Variants in ROBO1 observed in about 807,000 individuals in gnomAD.
ROBO1 encodes roundabout homolog 1.
A neutral mutation model predicts 195.9 loss-of-function variants in ROBO1; 149 were observed. That is an observed-to-expected ratio of 0.76 (90% confidence interval 0.67 to 0.87). The LOEUF is 0.87. ROBO1 is among the 40% of genes least tolerant of loss of function. The probability of loss-of-function intolerance (pLI) is 0.00; values close to 1 mark genes in which losing one functional copy is unlikely to be tolerated. For missense variants in ROBO1, 1,933 were observed against 2,068.3 expected, an observed-to-expected ratio of 0.93 and a Z score of 1.27; for synonymous variants, 816 against 733.2, an observed-to-expected ratio of 1.11 and a Z score of -1.82.
chr3:79,379,474 G>T (rs142550186), intron 2 of ROBO1, among the ~76,000 whole-genome samples: 1 of 152,262 alleles, frequency 6.6e-6, no homozygotes, highest in Non-Finnish European at 1.5e-5. Flanking sequence ...CTTCAGGTCA[G>T]AACCAGAATG....
At chr3:78,971,815 G>A (rs980532110) in intron 3 of ROBO1, among the ~76,000 whole-genome samples, 12 of 152,068 alleles carry the variant, frequency 7.9e-5, no homozygotes, top group Non-Finnish European at 1.8e-4. Flanking sequence ...ACCCAAGTTG[G>A]AGTGCACTGG....
At chr3:79,572,317 T>C (rs1204109994) in intron 2 of ROBO1, among the ~76,000 whole-genome samples, 1 of 152,052 alleles carries the variant, frequency 6.6e-6, no homozygotes, top group Non-Finnish European at 1.5e-5. Flanking sequence ...ACATAACACA[T>C]CCTTTTTCTG....
intron 4 of ROBO1, among the ~76,000 whole-genome samples, chr3:78,927,046 A>G (rs75791417): frequency 0.038 from 5,717 of 152,292 alleles, 178 homozygotes; most frequent in Middle Eastern, 0.13. Context: ...TCCATTATAA[A>G]AAGCAAAGTT....
At chr3:78,675,302 C>T (rs2107749074) in intron 10 of ROBO1, among the ~76,000 whole-genome samples, 1 of 152,182 alleles carries the variant, frequency 6.6e-6, no homozygotes, top group South Asian at 2.1e-4. Flanking sequence ...CTAGGGAGTG[C>T]CAGATAGAGG....
intron 4 of ROBO1, among the ~76,000 whole-genome samples, chr3:78,786,906 AG>A (rs2083852611): frequency 6.6e-6 from 1 of 152,204 alleles, no homozygotes; most frequent in Admixed American, 6.5e-5. Context: ...CATGTCTTAG[AG>A]AAGGTAAGCA....
rs1215903487 is a variant in ROBO1, at chr3:78,656,579, C to T, written c.2614+519G>A. On this transcript the variant is annotated intron_variant, in intron 18 of 30. Coordinates refer to ENST00000464233, the MANE Select transcript of ROBO1 (RefSeq NM_002941.4). ...TGTTAGCCAGGATGGTCTCGATCTCCTGACCTCGTGATTTGCCTGCCTCGG... is the reference window on the plus strand; with the variant it reads ...TGTTAGCCAGGATGGTCTCGATCTCTTGACCTCGTGATTTGCCTGCCTCGG... Among the ~76,000 whole-genome samples, 3 of 152,000 alleles carry T rather than the reference C, an allele frequency of 2.0e-5. No homozygotes were observed. In the East Asian group the frequency reaches 5.8e-4, roughly 30 times the overall value.
chr3:78,932,776 A>G (rs2039601421), intron 4 of ROBO1, among the ~76,000 whole-genome samples: 1 of 152,204 alleles, frequency 6.6e-6, no homozygotes, highest in Non-Finnish European at 1.5e-5. Context: ...CCCAAAGTTC[A>G]ATAGTAGTTA....
At chr3:79,049,447 G>A (rs1051215926) in intron 3 of ROBO1, among the ~76,000 whole-genome samples, 2 of 152,178 alleles carry the variant, frequency 1.3e-5, no homozygotes, top group Non-Finnish European at 2.9e-5. Flanking sequence ...GTGATGGAGA[G>A]AATGAAACCA....
At chr3:79,591,640 T>C (rs1203382565) in intron 1 of ROBO1, among the ~76,000 whole-genome samples, 1 of 151,944 alleles carries the variant, frequency 6.6e-6, no homozygotes, top group East Asian at 1.9e-4. Context: ...TTAATATTTT[T>C]ACTCTTTAAT....
At chr3:78,784,390 A>G (rs984151701) in intron 4 of ROBO1, among the ~76,000 whole-genome samples, 1 of 152,198 alleles carries the variant, frequency 6.6e-6, no homozygotes, top group African/African-American at 2.4e-5. Context: ...AGAAATTAAT[A>G]CAGACAAATG....
intron 1 of ROBO1, among the ~76,000 whole-genome samples, chr3:79,701,467 C>T (rs563797132): frequency 1.5e-4 from 23 of 151,712 alleles, no homozygotes; most frequent in African/African-American, 3.1e-4. Flanking sequence ...TGAGCTAAAA[C>T]GGGCCTGAGT....
chr3:79,662,929 G>GA (rs1160226135), intron 1 of ROBO1, among the ~76,000 whole-genome samples: 3 of 151,840 alleles, frequency 2.0e-5, no homozygotes, highest in Non-Finnish European at 4.4e-5. Flanking sequence ...ATAAACCAAA[G>GA]AAAAAATATA....
chr3:78,617,945 C>T lies in ROBO1; in HGVS notation c.3972G>A (p.Thr1324=), dbSNP rs774991528. ...ISGPLVSDMD[T]DAPEEEEDEA... ...CGTCTTCTTCCTCTTCTGGCGCATC[C>T]GTATCCATATCTGAGACCAGGGGTC... The change falls in exon 27 of 31, where the codon ACG becomes ACA. Residue 1324 remains threonine (T), a synonymous_variant. Coordinates refer to ENST00000464233, the MANE Select transcript of ROBO1 (RefSeq NM_002941.4). 7 of 1,613,838 alleles carry T rather than the reference C, an allele frequency of 4.3e-6. No homozygotes were observed. Among genetic ancestry groups the T allele is most frequent in the East Asian group, 2.2e-5 (1 of 44,878 alleles).
intron 2 of ROBO1, among the ~76,000 whole-genome samples, chr3:79,423,571 T>A (rs569511343): frequency 1.3e-5 from 2 of 152,234 alleles, no homozygotes; most frequent in South Asian, 4.1e-4. Flanking sequence ...GCCTCTATGT[T>A]CTCACCTGTG....
intron 17 of ROBO1, 59 bp downstream of exon 17, chr3:78,659,627 T>C: frequency 8.0e-7 from 1 of 1,254,820 alleles, no homozygotes; most frequent in Non-Finnish European, 1.0e-6. Flanking sequence ...TGCTTTTTCT[T>C]TATGAATGGT....
intron 14 of ROBO1, among the ~76,000 whole-genome samples, chr3:78,664,141 T>C (rs1052363228): frequency 2.6e-5 from 4 of 152,196 alleles, no homozygotes; most frequent in African/African-American, 9.6e-5. Flanking sequence ...TTGAGAAGTT[T>C]ATGAATTGAT....
intron 2 of ROBO1, among the ~76,000 whole-genome samples, chr3:79,352,097 T>C (rs2035365461): frequency 1.3e-5 from 2 of 152,230 alleles, no homozygotes; most frequent in African/African-American, 4.8e-5. Context: ...GCTAAGTTTC[T>C]TTCTTTTGAA....
chr3:79,351,058 A>G (rs1032099879), intron 2 of ROBO1, among the ~76,000 whole-genome samples: 1 of 152,184 alleles, frequency 6.6e-6, no homozygotes, highest in Non-Finnish European at 1.5e-5. Flanking sequence ...TCCCATGAGT[A>G]TGAGTATATT....
intron 2 of ROBO1, among the ~76,000 whole-genome samples, chr3:79,160,106 G>A (rs1284632350): frequency 9.2e-5 from 14 of 151,808 alleles, no homozygotes; most frequent in Non-Finnish European, 1.9e-4. Context: ...TCAGTTTAAG[G>A]CCATTTTTAC....
Sources: gnomAD v4.1 joint callset for allele counts (sites outside exome capture counted in the v4.1 genomes callset) on GRCh38, gnomAD v4.1.1 for gene constraint, MANE v1.5 for transcripts, NCBI Gene and HGNC (gene_info 2026-07-23, HGNC 2026-07-21) for gene names.